POU3F3: variants seen among roughly 807,000 people sequenced by gnomAD.
POU3F3 encodes POU class 3 homeobox 3, also known as POU domain, class 3, transcription factor 3.
In POU3F3, 1 loss-of-function variant was observed where a neutral mutation model predicts 8.6. The observed-to-expected ratio is 0.12, with a 90% confidence interval of 0.04 to 0.55. The LOEUF is 0.55. Ranked by LOEUF, POU3F3 falls within the 20% of genes least tolerant of loss-of-function variation. The pLI is 0.91. For missense variants in POU3F3, 577 were observed against 690.7 expected (o/e 0.84, Z 1.84); for synonymous variants, 418 against 327.4 (o/e 1.28, Z -2.99).
the POU3F3 span, among the ~76,000 whole-genome samples, chr2:104,897,607 G>T: frequency 6.6e-6 from 1 of 152,132 alleles, no homozygotes; most frequent in Non-Finnish European, 1.5e-5. Flanking sequence ...CCCCAGCCCC[G>T]CCCATGTGGG....
the POU3F3 span, among the ~76,000 whole-genome samples, chr2:104,870,201 G>T: frequency 2.6e-5 from 4 of 152,130 alleles, no homozygotes; most frequent in Non-Finnish European, 5.9e-5. Flanking sequence ...GTAATACCAC[G>T]CCATCCTGTT....
chr2:104,909,574 G>A, the POU3F3 span, among the ~76,000 whole-genome samples: 2 of 152,182 alleles, frequency 1.3e-5, no homozygotes, highest in African/African-American at 2.4e-5. Context: ...TCTTGCCCAT[G>A]CCTGGCTGTG....
chr2:104,918,027 C>T, the POU3F3 span, among the ~76,000 whole-genome samples: 2 of 152,212 alleles, frequency 1.3e-5, no homozygotes, highest in Non-Finnish European at 2.9e-5. Context: ...ATCCATGTAT[C>T]TAGATAAACC....
the POU3F3 span, among the ~76,000 whole-genome samples, chr2:104,920,369 A>G: frequency 6.6e-6 from 1 of 152,210 alleles, no homozygotes; most frequent in African/African-American, 2.4e-5. Flanking sequence ...TGTTACAGAC[A>G]TTGAGTTCTG....
the POU3F3 span, among the ~76,000 whole-genome samples, chr2:104,881,917 C>T: frequency 2.0e-5 from 3 of 152,200 alleles, no homozygotes; most frequent in Non-Finnish European, 4.4e-5. Context: ...TCCCACTCCA[C>T]CGCATCTCTT....
At chr2:104,880,231 C>T in the POU3F3 span, among the ~76,000 whole-genome samples, 1 of 152,188 alleles carries the variant, frequency 6.6e-6, no homozygotes, top group Non-Finnish European at 1.5e-5. Flanking sequence ...CACCTGTTCA[C>T]TCCACAGCCA....
Position 104,855,093 on chromosome 2 carries a change from C to T in POU3F3, c.-418C>T, listed in dbSNP as rs1340931208. The stretch of plus-strand genomic sequence containing the variant: ...GCAGGTCCCCGCCCCGCCCGGCGAG[C>T]CCCGCTGGAGCGAGCCCAGCGCGCC... On this transcript the variant is annotated 5_prime_UTR_variant, in exon 1 of 1. Coordinates refer to ENST00000361360, the MANE Select transcript of POU3F3 (RefSeq NM_006236.3). 3.3e-5 allele frequency among the ~76,000 whole-genome samples: 5 copies of T among 151,886 alleles called. No homozygotes were observed. The highest frequency in any genetic ancestry group is 4.8e-5 in the African/African-American group (2 of 41,416).
At chr2:104,915,803 C>T in the POU3F3 span, among the ~76,000 whole-genome samples, 1 of 152,012 alleles carries the variant, frequency 6.6e-6, no homozygotes, top group Non-Finnish European at 1.5e-5. Context: ...GAAGCACTTC[C>T]TTTGGAGTGT....
At chr2:104,921,883 G>A in the POU3F3 span, among the ~76,000 whole-genome samples, 1 of 152,160 alleles carries the variant, frequency 6.6e-6, no homozygotes, top group African/African-American at 2.4e-5. Context: ...TGTAGTCCCA[G>A]CTACTCAGGA....
chr2:104,916,176 A>C, the POU3F3 span, among the ~76,000 whole-genome samples: 7 of 152,172 alleles, frequency 4.6e-5, no homozygotes, highest in Admixed American at 6.5e-5. Context: ...AATATAACTC[A>C]TTTTAATAAT....
At chr2:104,900,586 CCT>C in the POU3F3 span, among the ~76,000 whole-genome samples, 1 of 152,172 alleles carries the variant, frequency 6.6e-6, no homozygotes, top group Non-Finnish European at 1.5e-5. Flanking sequence ...CTCATCTTCC[CCT>C]GTCGTCTTTT....
At chr2:104,890,663 A>G in the POU3F3 span, among the ~76,000 whole-genome samples, 1 of 152,016 alleles carries the variant, frequency 6.6e-6, no homozygotes, top group Non-Finnish European at 1.5e-5. Flanking sequence ...TTAAGGTGGG[A>G]GGTGAGGGTC....
downstream of POU3F3, among the ~76,000 whole-genome samples, chr2:104,862,402 G>T (rs1179055786): frequency 1.3e-5 from 2 of 152,232 alleles, no homozygotes; most frequent in African/African-American, 4.8e-5. Flanking sequence ...GCGGAAATTC[G>T]CAGTCTGGAC....
the POU3F3 span, chr2:104,868,282 CTCAGGGCCCGAGT>C: frequency 8.8e-6 from 4 of 456,558 alleles, no homozygotes; most frequent in Admixed American, 2.3e-5. Flanking sequence ...CAGTGAGGAG[CTCAGGGCCCGAGT>C]TCAGGGCTAG....
Position 104,856,925 on chromosome 2 carries a change from A to G in POU3F3, c.1415A>G (p.Gln472Arg). ...ATGACGCCGCCCGGGATCCAACAGC[A>G]GACGCCCGACGACGTCTACTCGCAG... is the stretch of plus-strand genomic sequence containing the variant. ...KRMTPPGIQQ[Q>R]TPDDVYSQVG... Residue 472 changes from glutamine (Q) to arginine (R), a missense_variant, in exon 1 of 1, where the codon CAG (glutamine) becomes CGG (arginine). Coordinates refer to ENST00000361360, the MANE Select transcript of POU3F3 (RefSeq NM_006236.3). 1.9e-6 allele frequency: 3 copies of G among 1,613,596 alleles called. No homozygotes were observed. Among genetic ancestry groups the G allele is most frequent in the Non-Finnish European group, 1.7e-6 (2 of 1,179,906 alleles).
At chr2:104,859,149 G>C (rs1676626746), downstream of POU3F3, among the ~76,000 whole-genome samples, 1 of 150,920 alleles carries the variant, frequency 6.6e-6, no homozygotes, top group Non-Finnish European at 1.5e-5. Flanking sequence ...TTTTCCCCCC[G>C]TAATAAAAGA....
the POU3F3 span, among the ~76,000 whole-genome samples, chr2:104,902,471 T>C: frequency 3.3e-5 from 5 of 152,142 alleles, no homozygotes; most frequent in Non-Finnish European, 5.9e-5. Context: ...AAGGTTAACA[T>C]TGAATGAAAC....
chr2:104,922,230 T>G, the POU3F3 span, among the ~76,000 whole-genome samples: 1 of 152,124 alleles, frequency 6.6e-6, no homozygotes, highest in East Asian at 1.9e-4. Context: ...TAGATTCCAA[T>G]GTCTTGTTTT....
chr2:104,884,809 T>C, the POU3F3 span, among the ~76,000 whole-genome samples: 2 of 152,254 alleles, frequency 1.3e-5, no homozygotes, highest in African/African-American at 2.4e-5. Flanking sequence ...ATCGTCTTAT[T>C]GGGGAGGGAC....
Sources: allele counts gnomAD v4.1 joint callset (sites outside exome capture counted in the v4.1 genomes callset), GRCh38; gene constraint gnomAD v4.1.1; transcripts MANE v1.5; gene names NCBI Gene and HGNC (gene_info 2026-07-23, HGNC 2026-07-21).